UTS2B: variants seen among roughly 807,000 people sequenced by gnomAD.
UTS2B encodes the protein urotensin-2B.
In UTS2B, 21 loss-of-function variants were observed where a neutral mutation model predicts 19.2. The observed-to-expected ratio is 1.09, with a 90% CI of 0.78 to 1.58. The LOEUF is 1.58. UTS2B is among the 40% of genes most tolerant of loss of function. UTS2B has a pLI of 0.00. For missense variants in UTS2B, 138 were observed against 130.3 expected, an observed-to-expected ratio of 1.06 and a Z score of -0.29; for synonymous variants, 57 against 50.2, an observed-to-expected ratio of 1.14 and a Z score of -0.58.
chr3:191,329,535 C>A, intron 1 of UTS2B: 1 of 753,988 alleles, frequency 1.3e-6, no homozygotes, highest in Non-Finnish European at 2.0e-6. Flanking sequence ...CCGCCCGACC[C>A]GCTCCGTTCT....
intron 2 of UTS2B, among the ~76,000 whole-genome samples, chr3:191,321,493 G>T (rs1435205826): frequency 6.6e-6 from 1 of 152,170 alleles, no homozygotes; most frequent in Non-Finnish European, 1.5e-5. Context: ...TTTGGACAAG[G>T]TTTATGCGCC....
intron 4 of UTS2B, among the ~76,000 whole-genome samples, chr3:191,301,647 C>T (rs909988286): frequency 6.6e-5 from 10 of 151,854 alleles, no homozygotes; most frequent in African/African-American, 2.4e-4. Flanking sequence ...CCACCATGCC[C>T]GGCTAATTTT....
intron 4 of UTS2B, among the ~76,000 whole-genome samples, chr3:191,292,374 A>G (rs944890970): frequency 6.6e-6 from 1 of 152,108 alleles, no homozygotes; most frequent in Non-Finnish European, 1.5e-5. Context: ...TTCAAGTGGA[A>G]TTACTTTCTT....
intron 4 of UTS2B, among the ~76,000 whole-genome samples, chr3:191,300,337 C>T (rs1215574407): frequency 2.0e-5 from 3 of 151,076 alleles, no homozygotes; most frequent in South Asian, 2.1e-4. Flanking sequence ...TGTGAGCCAC[C>T]GTGCCTGGCC....
intron 5 of UTS2B, among the ~76,000 whole-genome samples, chr3:191,281,474 C>A (rs980739900): frequency 1.1e-4 from 16 of 151,432 alleles, no homozygotes; most frequent in Admixed American, 6.6e-4. Context: ...ATTATAAGAG[C>A]AGAAACTTAT....
rs117102961 is a variant in UTS2B, at chr3:191,328,290, T to A, written c.-586+341A>T. On this transcript the variant is annotated intron_variant, in intron 2 of 8. Transcript: ENST00000340524. ...AGCAAAACTGAGGATAAGTTGAGAG[T>A]TTGCGGGTTGTAGATCCCAGAATCC... 7.2e-4 allele frequency: 109 copies of A among 152,234 alleles called. No homozygotes were observed. The East Asian group carries it at 0.017, about 23-fold the overall frequency. 9.4% of individuals were successfully genotyped at this position (152,234 alleles called of 1,614,324 possible). A position where few individuals can be genotyped will look rare whatever the true frequency, so the allele number is the denominator to read the frequency against.
chr3:191,268,550 G>A (rs1310443030), intron 8 of UTS2B, 109 bp from the exon 9 acceptor site: 2 of 711,940 alleles, frequency 2.8e-6, no homozygotes, highest in Admixed American at 5.8e-5. Context: ...TTTTTAAAAG[G>A]GACAGTCAAT....
In UTS2B at chr3:191,287,386, G is replaced by A. The variant is rs544987372; in HGVS notation, c.-124-5073C>T. On this transcript the variant is annotated intron_variant, in intron 4 of 8. Transcript: ENST00000340524. ...ACTAACAAACCAAGATCAACAACACGTTAAAATGATCATTCACTATGATCA... is the reference window on the plus strand; with the variant it reads ...ACTAACAAACCAAGATCAACAACACATTAAAATGATCATTCACTATGATCA... Among the ~76,000 whole-genome samples, 8 of 152,104 alleles carry A rather than the reference G, an allele frequency of 5.3e-5. No homozygotes were observed. In the South Asian group the frequency reaches 1.5e-3, roughly 28 times the overall value.
chr3:191,323,466 A>G (rs1304991455), intron 2 of UTS2B, among the ~76,000 whole-genome samples: 1 of 152,102 alleles, frequency 6.6e-6, no homozygotes, highest in African/African-American at 2.4e-5. Flanking sequence ...ATCGCGCCTG[A>G]CCTCAGTGCT....
chr3:191,289,312 G>C (rs1716643731), intron 4 of UTS2B, among the ~76,000 whole-genome samples: 1 of 151,816 alleles, frequency 6.6e-6, no homozygotes. Flanking sequence ...GGGAGGCTGA[G>C]GCAGGAGAAT....
chr3:191,306,876 C>T (rs1381251316), intron 3 of UTS2B, among the ~76,000 whole-genome samples: 2 of 152,212 alleles, frequency 1.3e-5, no homozygotes, highest in Admixed American at 1.3e-4. Flanking sequence ...AAGTGATCCG[C>T]CTGCCTCAGC....
At chr3:191,299,504 A>G (rs963004735) in intron 4 of UTS2B, among the ~76,000 whole-genome samples, 9 of 152,268 alleles carry the variant, frequency 5.9e-5, no homozygotes, top group African/African-American at 2.2e-4. Flanking sequence ...GGCAGCTTCC[A>G]TGTGGTGTTA....
intron 5 of UTS2B, 105 bp downstream of exon 5, chr3:191,281,982 T>A: frequency 1.2e-6 from 1 of 804,122 alleles, no homozygotes; most frequent in Non-Finnish European, 2.1e-6. Flanking sequence ...TAATATTTAT[T>A]CCTTAAAACA....
intron 2 of UTS2B, among the ~76,000 whole-genome samples, chr3:191,322,528 T>A (rs1309452292): frequency 6.6e-6 from 1 of 152,118 alleles, no homozygotes; most frequent in Non-Finnish European, 1.5e-5. Flanking sequence ...TTAGTATAGA[T>A]TCAAGAAAGA....
chr3:191,315,346 G>A (rs1186594595), intron 3 of UTS2B, among the ~76,000 whole-genome samples: 3 of 152,188 alleles, frequency 2.0e-5, no homozygotes, highest in Admixed American at 6.5e-5. Context: ...CAAGGAGGGG[G>A]TTCTGTGACC....
intron 4 of UTS2B, among the ~76,000 whole-genome samples, chr3:191,297,193 G>A (rs1334482715): frequency 6.6e-6 from 1 of 152,122 alleles, no homozygotes; most frequent in Admixed American, 6.5e-5. Context: ...CTGACTCATA[G>A]AGTAATATTA....
At chr3:191,282,687 G>C (rs1716424481) in intron 4 of UTS2B, among the ~76,000 whole-genome samples, 1 of 152,124 alleles carries the variant, frequency 6.6e-6, no homozygotes, top group African/African-American at 2.4e-5. Flanking sequence ...TTTGAGCTAG[G>C]TGGTAGTCTT....
At chr3:191,334,897 GT>G (rs1282300282), upstream of UTS2B, among the ~76,000 whole-genome samples, 4 of 152,200 alleles carry the variant, frequency 2.6e-5, no homozygotes, top group South Asian at 2.1e-4. Flanking sequence ...ACAACTTTTA[GT>G]TTTGATTCAG....
chr3:191,295,978 T>C (rs9837020), intron 4 of UTS2B, among the ~76,000 whole-genome samples: 41,105 of 152,092 alleles, frequency 0.27, 6,316 homozygotes, highest in African/African-American at 0.41. Context: ...CAAAAGCTGT[T>C]AATCTTTTGG....
Sources: gnomAD v4.1 joint callset for allele counts (sites outside exome capture counted in the v4.1 genomes callset) on GRCh38, gnomAD v4.1.1 for gene constraint, MANE v1.5 for transcripts, NCBI Gene and HGNC (gene_info 2026-07-23, HGNC 2026-07-21) for gene names.